The following KCNIP4 variants were observed in gnomAD, a reference collection of about 807,000 sequenced individuals.
The protein encoded by KCNIP4 is potassium voltage-gated channel interacting protein 4, also known as Kv channel-interacting protein 4.
KCNIP4 carries 12 observed loss-of-function variants against 34.0 expected under a neutral mutation model. The ratio of observed to expected loss-of-function variants is 0.35; its 90% CI spans 0.23 to 0.57. The LOEUF (loss-of-function observed/expected upper bound fraction) is 0.57, where lower values mean the gene tolerates loss of function less well. Among genes scored for constraint, KCNIP4 ranks in the 20% least tolerant of loss-of-function variants. KCNIP4 has a pLI of 0.83. For missense variants in KCNIP4, 238 were observed against 311.7 expected (o/e 0.76, Z 1.78); for synonymous variants, 124 against 102.2 (o/e 1.21, Z -1.29).
At chr4:20,734,849 A>ATGAT (rs1353010161) in intron 5 of KCNIP4, 114 bp from the exon 6 acceptor site, 1 of 542,952 alleles carries the variant, frequency 1.8e-6, no homozygotes, top group African/African-American at 2.0e-5. Flanking sequence ...ATTTAGCAAA[A>ATGAT]TGATTGATGT....
chr4:21,860,537 T>C (rs1725012328), intron 1 of KCNIP4, among the ~76,000 whole-genome samples: 1 of 152,228 alleles, frequency 6.6e-6, no homozygotes, highest in Non-Finnish European at 1.5e-5. Context: ...AGAATATAAT[T>C]ATTTTATCTC....
chr4:21,112,053 C>CTATCTATCTATCTATCTATCTATA (rs1560732945), intron 1 of KCNIP4, among the ~76,000 whole-genome samples: 22 of 152,142 alleles, frequency 1.4e-4, no homozygotes, highest in African/African-American at 4.8e-4. Flanking sequence ...ATCTATCTAT[C>CTATCTATCTATCTATCTATCTATA]TATCTATCTA....
At chr4:20,945,823 T>C (rs1366581507) in intron 1 of KCNIP4, among the ~76,000 whole-genome samples, 1 of 152,202 alleles carries the variant, frequency 6.6e-6, no homozygotes, top group African/African-American at 2.4e-5. Flanking sequence ...TTTCAGATGA[T>C]GTTCGATTTG....
intron 1 of KCNIP4, among the ~76,000 whole-genome samples, chr4:20,884,499 T>C (rs916579729): frequency 6.6e-6 from 1 of 151,904 alleles, no homozygotes; most frequent in Non-Finnish European, 1.5e-5. Flanking sequence ...ATTTTGCTTC[T>C]GATTTCCATT....
At chr4:21,630,909 A>C (rs1560576661) in intron 1 of KCNIP4, among the ~76,000 whole-genome samples, 1 of 152,180 alleles carries the variant, frequency 6.6e-6, no homozygotes. Context: ...GAAATAACAA[A>C]TCCCATGTTG....
At chr4:21,167,212 G>A (rs1753696769) in intron 1 of KCNIP4, among the ~76,000 whole-genome samples, 1 of 152,062 alleles carries the variant, frequency 6.6e-6, no homozygotes, top group Admixed American at 6.6e-5. Context: ...AAGGTGGTGA[G>A]GAGGGCTGGG....
chr4:20,962,979 G>A (rs1733991623), intron 1 of KCNIP4, among the ~76,000 whole-genome samples: 1 of 151,952 alleles, frequency 6.6e-6, no homozygotes, highest in Non-Finnish European at 1.5e-5. Context: ...TGTAAAATGG[G>A]GATAAAAAAT....
chr4:21,753,780 T>G (rs1218483171), intron 1 of KCNIP4, among the ~76,000 whole-genome samples: 1 of 152,150 alleles, frequency 6.6e-6, no homozygotes, highest in African/African-American at 2.4e-5. Flanking sequence ...TCATGCCTTT[T>G]GTGAAACTAT....
At chr4:20,745,640 C>T (rs1204550856) in intron 5 of KCNIP4, among the ~76,000 whole-genome samples, 2 of 152,052 alleles carry the variant, frequency 1.3e-5, no homozygotes, top group Non-Finnish European at 2.9e-5. Flanking sequence ...AGGTCTGTAC[C>T]GAATTCTGGT....
At chr4:21,291,004 TTAAA>T (rs1350260400) in intron 1 of KCNIP4, among the ~76,000 whole-genome samples, 1 of 152,104 alleles carries the variant, frequency 6.6e-6, no homozygotes, top group Non-Finnish European at 1.5e-5. Flanking sequence ...CTCAGAAAAG[TTAAA>T]TAATTTGCCT....
intron 1 of KCNIP4, among the ~76,000 whole-genome samples, chr4:21,520,625 T>C (rs1735441097): frequency 6.6e-6 from 1 of 152,176 alleles, no homozygotes; most frequent in African/African-American, 2.4e-5. Context: ...GTACAGTGTG[T>C]AGCCCTGAGT....
chr4:21,728,148 C>A (rs1007072712), intron 1 of KCNIP4, among the ~76,000 whole-genome samples: 1 of 152,122 alleles, frequency 6.6e-6, no homozygotes, highest in African/African-American at 2.4e-5. Context: ...AAATCTCCAG[C>A]CTGAGTCTCT....
chr4:21,301,536 T>G lies in KCNIP4; in HGVS notation c.62-418827A>C, dbSNP rs540764777. Reference sequence around the variant, plus strand: ...GCAGACAGAAATAAGAAAGGTGAAATAAATCATTATCTTCTGAACTTAGAC... The same window carrying G: ...GCAGACAGAAATAAGAAAGGTGAAAGAAATCATTATCTTCTGAACTTAGAC... On this transcript the variant is annotated intron_variant, in intron 1 of 8. Transcript: ENST00000382152. Among the ~76,000 whole-genome samples, 15 of 152,228 alleles carry G rather than the reference T, an allele frequency of 9.9e-5. No individual in the cohort carries two copies. In the South Asian group the frequency reaches 3.1e-3, roughly 32 times the overall value.
rs78344696 is a variant in KCNIP4 at position 21,514,869 on chromosome 4, G to A, written c.61+433702C>T. ...CTAAGCCTGATGTATTCATCTTCTG[G>A]GGGAGATGTGTGCCTGCAAGAAGAC... On this transcript the variant is annotated intron_variant, in intron 1 of 8. Coordinates refer to ENST00000382152, the MANE Select transcript of KCNIP4 (RefSeq NM_025221.6). 7.2e-4 allele frequency among the ~76,000 whole-genome samples: 109 copies of A among 152,174 alleles called. 3 individuals are homozygous for A. The East Asian group carries it at 0.02, about 28-fold the overall frequency.
At chr4:20,917,203 A>G (rs966816925) in intron 1 of KCNIP4, among the ~76,000 whole-genome samples, 3 of 150,698 alleles carry the variant, frequency 2.0e-5, no homozygotes, top group Non-Finnish European at 3.0e-5. Flanking sequence ...ACGCCCAGCT[A>G]ATTTTTGTAT....
intron 1 of KCNIP4, among the ~76,000 whole-genome samples, chr4:21,916,782 T>C (rs961556389): frequency 6.6e-6 from 1 of 152,174 alleles, no homozygotes; most frequent in Non-Finnish European, 1.5e-5. Flanking sequence ...TGGCCAGAGT[T>C]CTGTCTCCAG....
chr4:20,743,465 A>G (rs1342944250), intron 5 of KCNIP4, among the ~76,000 whole-genome samples: 1 of 152,124 alleles, frequency 6.6e-6, no homozygotes, highest in Non-Finnish European at 1.5e-5. Context: ...AAATAATACC[A>G]CACATCTACA....
chr4:21,857,494 C>T (rs1171068552), intron 1 of KCNIP4, among the ~76,000 whole-genome samples: 1 of 152,074 alleles, frequency 6.6e-6, no homozygotes, highest in Admixed American at 6.5e-5. Flanking sequence ...AGGAGCTACC[C>T]ACCAGGGTTT....
intron 1 of KCNIP4, among the ~76,000 whole-genome samples, chr4:21,118,400 G>A (rs532345670): frequency 6.6e-6 from 1 of 152,262 alleles, no homozygotes; most frequent in East Asian, 1.9e-4. Flanking sequence ...GCTCCCCAAA[G>A]CAGTCATAGA....
Sources: gnomAD v4.1 joint callset for allele counts (sites outside exome capture counted in the v4.1 genomes callset) on GRCh38, gnomAD v4.1.1 for gene constraint, MANE v1.5 for transcripts, NCBI Gene and HGNC (gene_info 2026-07-23, HGNC 2026-07-21) for gene names.